The following WDR27 variants were observed in gnomAD, a reference collection of about 807,000 sequenced individuals.
WDR27 encodes the protein WD repeat-containing protein 27.
WDR27 carries 100 observed loss-of-function variants against 114.4 expected under a neutral mutation model. The observed-to-expected ratio is 0.87, with a 90% CI of 0.74 to 1.03. WDR27 has a LOEUF of 1.03. Ranked by LOEUF, WDR27 falls within the 50% of genes least tolerant of loss-of-function variation. WDR27 has a pLI of 0.00. For missense variants in WDR27, 1,129 were observed against 1,092.9 expected (o/e 1.03, Z -0.47); for synonymous variants, 449 against 423.1 (o/e 1.06, Z -0.75).
the WDR27 span, among the ~76,000 whole-genome samples, chr6:169,437,649 A>G: frequency 6.6e-6 from 1 of 152,154 alleles, no homozygotes; most frequent in Non-Finnish European, 1.5e-5. Context: ...AAAAAGGTAC[A>G]TATTGTTGCT....
chr6:169,570,117 G>A (rs544593956), intron 25 of WDR27, among the ~76,000 whole-genome samples: 1 of 152,276 alleles, frequency 6.6e-6, no homozygotes, highest in Admixed American at 6.5e-5. Flanking sequence ...GTGTATCCAC[G>A]TGGACTCGGC....
intron 2 of WDR27, among the ~76,000 whole-genome samples, chr6:169,683,254 T>C (rs969822869): frequency 6.6e-6 from 1 of 152,126 alleles, no homozygotes; most frequent in Non-Finnish European, 1.5e-5. Context: ...CAAAGATATA[T>C]TATAATCAAA....
intron 1 of WDR27, among the ~76,000 whole-genome samples, chr6:169,698,407 G>A (rs528069746): frequency 7.3e-5 from 11 of 151,606 alleles, no homozygotes; most frequent in Admixed American, 2.6e-4. Flanking sequence ...GGGACACACC[G>A]ACACACACAC....
chr6:169,459,837 C>A (rs1011836732), intron 25 of WDR27, among the ~76,000 whole-genome samples: 2 of 152,130 alleles, frequency 1.3e-5, no homozygotes, highest in South Asian at 4.1e-4. Flanking sequence ...AAAAAACTCT[C>A]AACCAAGAAT....
intron 25 of WDR27, among the ~76,000 whole-genome samples, chr6:169,551,839 C>A (rs547039897): frequency 6.6e-5 from 10 of 152,144 alleles, no homozygotes; most frequent in African/African-American, 2.4e-4. Context: ...AGGTCGCTTG[C>A]GTCATAACCA....
chr6:169,682,403 G>A (rs532802248), intron 2 of WDR27, among the ~76,000 whole-genome samples: 1 of 152,312 alleles, frequency 6.6e-6, no homozygotes, highest in African/African-American at 2.4e-5. Flanking sequence ...CATTCCCACA[G>A]AGCCCCAGTA....
chr6:169,672,862 A>C lies in WDR27; in HGVS notation c.190-466T>G, dbSNP rs74615860. Among the ~76,000 whole-genome samples the C allele has an allele frequency of 1.9e-3, 286 of 152,332 alleles. 4 individuals are homozygous for C. The East Asian group carries it at 0.032, about 17-fold the overall frequency. ...CAGGTGTGGCGACCTTGGCAACTACACAAGGAATGTTGATAGCACTCTAGG... is the reference window on the plus strand; with the variant it reads ...CAGGTGTGGCGACCTTGGCAACTACCCAAGGAATGTTGATAGCACTCTAGG... On this transcript the variant is annotated intron_variant, in intron 2 of 25. Coordinates refer to ENST00000448612, the MANE Select transcript of WDR27 (RefSeq NM_182552.5).
chr6:169,642,952 C>A (rs1235350033), intron 17 of WDR27, among the ~76,000 whole-genome samples: 2 of 152,132 alleles, frequency 1.3e-5, no homozygotes, highest in Admixed American at 1.3e-4. Context: ...AGGTAAGCAA[C>A]CCTAATCCAA....
At chr6:169,532,486 C>A (rs1397442410) in intron 25 of WDR27, among the ~76,000 whole-genome samples, 2 of 151,850 alleles carry the variant, frequency 1.3e-5, no homozygotes, top group Non-Finnish European at 2.9e-5. Flanking sequence ...TTATCAAATC[C>A]ATAACTTGAA....
At chr6:169,647,667 T>A (rs564965360) in intron 16 of WDR27, 106 bp downstream of exon 16, 5 of 1,087,198 alleles carry the variant, frequency 4.6e-6, no homozygotes, top group Non-Finnish European at 6.9e-6. Flanking sequence ...CCAAGGTTTT[T>A]AAAAATATAT....
chr6:169,472,515 T>G (rs570064237), intron 25 of WDR27, among the ~76,000 whole-genome samples: 1 of 152,362 alleles, frequency 6.6e-6, no homozygotes, highest in South Asian at 2.1e-4. Context: ...ATAATATTAC[T>G]TATCTAAAAG....
intron 21 of WDR27, among the ~76,000 whole-genome samples, chr6:169,620,019 AGC>A (rs1812734681): frequency 1.3e-5 from 2 of 152,328 alleles, no homozygotes; most frequent in African/African-American, 4.8e-5. Flanking sequence ...GTTATGCCAG[AGC>A]CAGGTTGGAA....
At chr6:169,569,074 AAGAC>A (rs34843527) in intron 25 of WDR27, among the ~76,000 whole-genome samples, 14,763 of 152,102 alleles carry the variant, frequency 0.097, 1,754 homozygotes, top group East Asian at 0.58. Context: ...CAATTCCACA[AAGAC>A]AGCAGGAATG....
chr6:169,558,773 G>A (rs986630861), intron 25 of WDR27: 2 of 152,176 alleles, frequency 1.3e-5, no homozygotes, highest in African/African-American at 4.8e-5. Context: ...TGGATGCCAT[G>A]ATTTTCCAAT....
intron 16 of WDR27, 57 bp downstream of exon 16, chr6:169,647,716 C>A: frequency 7.5e-7 from 1 of 1,335,340 alleles, no homozygotes; most frequent in Non-Finnish European, 1.1e-6. Context: ...TTACAGTGGG[C>A]AGAATCAAAG....
At chr6:169,667,947 C>G (rs766646488) in intron 5 of WDR27, 35 bp downstream of exon 5, 6 of 1,577,634 alleles carry the variant, frequency 3.8e-6, no homozygotes, top group Non-Finnish European at 4.3e-6. Flanking sequence ...ACAGCACGTG[C>G]CACGCGGGAA....
chr6:169,613,115 G>T (rs866563165), intron 22 of WDR27, among the ~76,000 whole-genome samples: 4 of 152,140 alleles, frequency 2.6e-5, no homozygotes, highest in Non-Finnish European at 4.4e-5. Flanking sequence ...TTTACTTAAT[G>T]ATAGTATATC....
chr6:169,610,070 G>T (rs940397691), intron 22 of WDR27, among the ~76,000 whole-genome samples: 2 of 152,110 alleles, frequency 1.3e-5, no homozygotes, highest in African/African-American at 2.4e-5. Context: ...GACCACCTCA[G>T]CCTGAACCTT....
intron 23 of WDR27, among the ~76,000 whole-genome samples, chr6:169,587,546 G>T (rs1005666549): frequency 6.6e-5 from 10 of 152,286 alleles, no homozygotes; most frequent in African/African-American, 2.2e-4. Flanking sequence ...TGATGTCTGG[G>T]AACTCAGCTG....
Sources: gnomAD v4.1 joint callset for allele counts (sites outside exome capture counted in the v4.1 genomes callset) on GRCh38, gnomAD v4.1.1 for gene constraint, MANE v1.5 for transcripts, NCBI Gene and HGNC (gene_info 2026-07-23, HGNC 2026-07-21) for gene names.